EXOC4: variants seen among roughly 807,000 people sequenced by gnomAD.
EXOC4 encodes SEC8-like 1.
A neutral mutation model predicts 107.2 loss-of-function variants in EXOC4; 71 were observed. The observed-to-expected ratio is 0.66, with a 90% CI of 0.55 to 0.81. EXOC4 has a LOEUF of 0.81. Ranked by LOEUF, EXOC4 falls within the 30% of genes least tolerant of loss-of-function variation. The probability of loss-of-function intolerance (pLI) is 0.00; values close to 1 mark genes in which losing one functional copy is unlikely to be tolerated. For synonymous variants in EXOC4, 456 were observed against 441.2 expected, an observed-to-expected ratio of 1.03 and a Z score of -0.42; for missense variants, 1,108 against 1,189.6, an observed-to-expected ratio of 0.93 and a Z score of 1.01.
intron 13 of EXOC4, among the ~76,000 whole-genome samples, chr7:133,929,386 A>G (rs935074371): frequency 2.0e-5 from 3 of 152,084 alleles, no homozygotes; most frequent in Non-Finnish European, 1.5e-5. Context: ...TTGTTTTAAA[A>G]ACAATTCTCC....
intron 10 of EXOC4, among the ~76,000 whole-genome samples, chr7:133,756,008 AC>A (rs1000911592): frequency 2.0e-5 from 3 of 152,156 alleles, no homozygotes; most frequent in African/African-American, 7.2e-5. Context: ...TGAAGAAAAA[AC>A]ATCATGTTCT....
At chr7:133,273,621 T>G (rs1183893052) in intron 1 of EXOC4, among the ~76,000 whole-genome samples, 1 of 152,192 alleles carries the variant, frequency 6.6e-6, no homozygotes, top group Non-Finnish European at 1.5e-5. Context: ...GAGGTTAGAT[T>G]GAAGTCAAAG....
intron 7 of EXOC4, among the ~76,000 whole-genome samples, chr7:133,460,877 G>T (rs1798577017): frequency 6.6e-6 from 1 of 152,160 alleles, no homozygotes; most frequent in African/African-American, 2.4e-5. Flanking sequence ...TCTAATACAT[G>T]CTGGTATTAG....
chr7:133,460,069 C>A (rs1798554386), intron 7 of EXOC4, among the ~76,000 whole-genome samples: 1 of 152,140 alleles, frequency 6.6e-6, no homozygotes, highest in African/African-American at 2.4e-5. Flanking sequence ...TTTTTGGCAT[C>A]AGGGACCAGT....
At chr7:134,036,717 T>A (rs1400963967) in intron 17 of EXOC4, among the ~76,000 whole-genome samples, 1 of 152,224 alleles carries the variant, frequency 6.6e-6, no homozygotes, top group Non-Finnish European at 1.5e-5. Flanking sequence ...TACATTTACA[T>A]ATGTAGATAT....
At chr7:133,491,097 A>G (rs922568734) in intron 9 of EXOC4, among the ~76,000 whole-genome samples, 1 of 152,190 alleles carries the variant, frequency 6.6e-6, no homozygotes, top group Non-Finnish European at 1.5e-5. Flanking sequence ...TCTGATTTCC[A>G]GCTTGTAATT....
intron 11 of EXOC4, among the ~76,000 whole-genome samples, chr7:133,831,789 A>G (rs1797816417): frequency 1.3e-5 from 2 of 152,194 alleles, no homozygotes; most frequent in Non-Finnish European, 2.9e-5. Flanking sequence ...GGAAACATAT[A>G]TGTGTATATA....
At chr7:133,513,835 C>A (rs1353293618) in intron 9 of EXOC4, among the ~76,000 whole-genome samples, 2 of 152,062 alleles carry the variant, frequency 1.3e-5, no homozygotes, top group East Asian at 3.8e-4. Flanking sequence ...ACTTTCAATT[C>A]TTGGTTATTA....
intron 10 of EXOC4, among the ~76,000 whole-genome samples, chr7:133,756,293 G>C (rs754533247): frequency 6.6e-6 from 1 of 152,024 alleles, no homozygotes; most frequent in Non-Finnish European, 1.5e-5. Flanking sequence ...GTAAAGGGTG[G>C]GGGTATTTAG....
At chr7:133,835,034 C>A (rs1019442882) in intron 11 of EXOC4, among the ~76,000 whole-genome samples, 3 of 152,178 alleles carry the variant, frequency 2.0e-5, no homozygotes, top group Admixed American at 6.5e-5. Flanking sequence ...ACTTGCACCT[C>A]CTTGCCTTCT....
At chr7:133,905,202 C>T (rs1799539994) in intron 12 of EXOC4, among the ~76,000 whole-genome samples, 1 of 152,156 alleles carries the variant, frequency 6.6e-6, no homozygotes. Flanking sequence ...GTTTTCCAAG[C>T]TTCCCATGAA....
chr7:133,404,800 A>G (rs1797174541), intron 7 of EXOC4, among the ~76,000 whole-genome samples: 1 of 150,286 alleles, frequency 6.7e-6, no homozygotes, highest in Admixed American at 6.6e-5. Context: ...CTGGGGTGGG[A>G]GGATTGCTTG....
chr7:133,683,383 T>A (rs963410615), intron 10 of EXOC4, among the ~76,000 whole-genome samples: 3 of 152,198 alleles, frequency 2.0e-5, no homozygotes, highest in African/African-American at 7.2e-5. Flanking sequence ...GTGTACTGAT[T>A]TTATATGCAG....
chr7:133,699,618 C>T (rs1003907714), intron 10 of EXOC4, among the ~76,000 whole-genome samples: 5 of 152,074 alleles, frequency 3.3e-5, no homozygotes, highest in African/African-American at 1.2e-4. Flanking sequence ...TTGGCAGTCT[C>T]TTATGATAAT....
At position 133,653,849 on chromosome 7, in the gene EXOC4, C is replaced by T. The variant is rs79043164; in HGVS notation, c.1514+23708C>T. On this transcript the variant is annotated intron_variant, in intron 10 of 17. Coordinates refer to ENST00000253861, the MANE Select transcript of EXOC4 (RefSeq NM_021807.4). ...TGTCCACAGCTACCTTTTATGAGTA[C>T]GAGAACAGGAAAAGGGCAAGAGAGT... Among the ~76,000 whole-genome samples the T allele has an allele frequency of 4.9e-3, 742 of 152,172 alleles. 3 individuals are homozygous for T. The highest frequency in any genetic ancestry group is 0.024 in the East Asian group (125 of 5,182).
At chr7:133,399,527 T>C (rs1797043643) in intron 7 of EXOC4, among the ~76,000 whole-genome samples, 1 of 152,220 alleles carries the variant, frequency 6.6e-6, no homozygotes. Flanking sequence ...GTATTCATGC[T>C]CAGATGTTGC....
chr7:133,820,464 T>G (rs1253280767), intron 11 of EXOC4, among the ~76,000 whole-genome samples: 2 of 152,160 alleles, frequency 1.3e-5, no homozygotes, highest in East Asian at 1.9e-4. Context: ...CTATGTTTCC[T>G]TAATATTTTA....
chr7:133,910,731 T>C (rs1008970845), intron 12 of EXOC4, among the ~76,000 whole-genome samples: 1 of 152,210 alleles, frequency 6.6e-6, no homozygotes, highest in Non-Finnish European at 1.5e-5. Flanking sequence ...ACAGTCTAAA[T>C]TGGACGACGG....
chr7:133,879,230 G>A (rs1288067646), intron 11 of EXOC4, among the ~76,000 whole-genome samples: 1 of 151,928 alleles, frequency 6.6e-6, no homozygotes, highest in Non-Finnish European at 1.5e-5. Flanking sequence ...GAGTAGCAGG[G>A]GTTACAGGTA....
Sources: gnomAD v4.1 joint callset for allele counts (sites outside exome capture counted in the v4.1 genomes callset) on GRCh38, gnomAD v4.1.1 for gene constraint, MANE v1.5 for transcripts, NCBI Gene and HGNC (gene_info 2026-07-23, HGNC 2026-07-21) for gene names.